SV2C: variants seen among roughly 807,000 people sequenced by gnomAD.
SV2C encodes synaptic vesicle glycoprotein 2C.
Under a neutral mutation model 79.7 loss-of-function variants are expected in SV2C, and 49 were observed. That is an observed-to-expected ratio of 0.61 (90% CI 0.49 to 0.78). SV2C has a LOEUF of 0.78. SV2C is among the 30% of genes least tolerant of loss of function. The pLI, the probability that SV2C is intolerant of heterozygous loss-of-function variation, is 0.00. For synonymous variants in SV2C, 334 were observed against 333.2 expected, an observed-to-expected ratio of 1.00 and a Z score of -0.03; for missense variants, 833 against 912.9, an observed-to-expected ratio of 0.91 and a Z score of 1.13.
At chr5:76,223,473 A>ACG (rs1561271232) in intron 4 of SV2C, among the ~76,000 whole-genome samples, 3 of 73,798 alleles carry the variant, frequency 4.1e-5, no homozygotes, top group African/African-American at 2.4e-4. Flanking sequence ...ATATATATAT[A>ACG]TATATATATA....
At chr5:76,049,284 C>T in the SV2C span, among the ~76,000 whole-genome samples, 8 of 144,180 alleles carry the variant, frequency 5.5e-5, no homozygotes, top group African/African-American at 2.1e-4. Context: ...TTACAGTGAG[C>T]TGAGATCGCG....
intron 2 of SV2C, among the ~76,000 whole-genome samples, chr5:76,179,481 G>A (rs1743652604): frequency 1.3e-5 from 2 of 152,158 alleles, no homozygotes; most frequent in African/African-American, 4.8e-5. Flanking sequence ...GCGGATGGCT[G>A]ACTGCTCATT....
At chr5:76,112,751 G>A (rs1748133691) in intron 1 of SV2C, among the ~76,000 whole-genome samples, 1 of 152,122 alleles carries the variant, frequency 6.6e-6, no homozygotes, top group Non-Finnish European at 1.5e-5. Context: ...TCTTTTTTAG[G>A]AACACTTTAA....
intron 2 of SV2C, among the ~76,000 whole-genome samples, chr5:76,148,516 C>T (rs1001641886): frequency 2.0e-5 from 3 of 152,120 alleles, no homozygotes; most frequent in African/African-American, 4.8e-5. Context: ...GTGATGCAGT[C>T]GCTGCTCACT....
At chr5:76,223,247 G>A (rs1745124414) in intron 4 of SV2C, among the ~76,000 whole-genome samples, 1 of 151,636 alleles carries the variant, frequency 6.6e-6, no homozygotes, top group Non-Finnish European at 1.5e-5. Flanking sequence ...AGACCAGCCT[G>A]GGCAACATAT....
chr5:76,144,209 T>C (rs142169650), intron 2 of SV2C, among the ~76,000 whole-genome samples: 21 of 152,338 alleles, frequency 1.4e-4, no homozygotes, highest in African/African-American at 5.1e-4. Flanking sequence ...TTTATCAATA[T>C]TGGAATATTG....
intron 2 of SV2C, among the ~76,000 whole-genome samples, chr5:76,179,775 C>T (rs1044834752): frequency 6.6e-6 from 1 of 152,238 alleles, no homozygotes; most frequent in Non-Finnish European, 1.5e-5. Context: ...TATTTATTCA[C>T]TCACTGCTCT....
At chr5:76,166,373 A>G (rs557248271) in intron 2 of SV2C, among the ~76,000 whole-genome samples, 1 of 152,220 alleles carries the variant, frequency 6.6e-6, no homozygotes, top group Admixed American at 6.5e-5. Context: ...GGACCATCAA[A>G]CCCCTATTTG....
chr5:76,197,930 C>G (rs142111175), intron 3 of SV2C, among the ~76,000 whole-genome samples: 1 of 152,284 alleles, frequency 6.6e-6, no homozygotes. Flanking sequence ...CAGGGTGCTG[C>G]TAGTGCAAGT....
the SV2C span, among the ~76,000 whole-genome samples, chr5:76,057,812 T>C: frequency 3.9e-5 from 6 of 152,102 alleles, no homozygotes; most frequent in African/African-American, 1.4e-4. Context: ...GCTTCACCAA[T>C]TGGACTAATA....
Position 76,131,951 on chromosome 5 carries a change from T to G in SV2C, c.201T>G (p.Gly67=). ...ACCCGGCTGGAGAAACCTATAATGGTGAGGCCAACGATGACGAAGGCTCAA... is the reference window on the plus strand; with the variant it reads ...ACCCGGCTGGAGAAACCTATAATGGGGAGGCCAACGATGACGAAGGCTCAA... ...DYYPAGETYN[G]EANDDEGSSE... The change falls in exon 2 of 13, where the codon GGT becomes GGG. Residue 67 remains glycine (G), a synonymous_variant. Coordinates refer to ENST00000502798, the MANE Select transcript of SV2C (RefSeq NM_014979.4). The G allele has an allele frequency of 1.2e-6, 2 of 1,613,918 alleles. No homozygotes were observed. The highest frequency in any genetic ancestry group is 1.7e-6 in the Non-Finnish European group (2 of 1,179,944).
chr5:76,277,528 T>C (rs770908207), intron 4 of SV2C, among the ~76,000 whole-genome samples: 7 of 152,160 alleles, frequency 4.6e-5, no homozygotes, highest in Non-Finnish European at 1.0e-4. Context: ...AACCTCAGCA[T>C]TTTGAGAGGC....
intron 4 of SV2C, among the ~76,000 whole-genome samples, chr5:76,217,719 T>C (rs1408835454): frequency 6.6e-6 from 1 of 151,058 alleles, no homozygotes; most frequent in African/African-American, 2.4e-5. Context: ...GCATAAACCC[T>C]GCCTAAAGTT....
At chr5:76,049,024 A>AAAGAAGGAAAGAAAGAAAGAG in the SV2C span, among the ~76,000 whole-genome samples, 2 of 120,520 alleles carry the variant, frequency 1.7e-5, no homozygotes, top group Non-Finnish European at 3.5e-5. Flanking sequence ...AGAAAGAAAG[A>AAAGAAGGAAAGAAAGAAAGAG]AAAAGAAAAG....
chr5:76,147,230 C>A (rs1342579620), intron 2 of SV2C, among the ~76,000 whole-genome samples: 1 of 152,138 alleles, frequency 6.6e-6, no homozygotes, highest in African/African-American at 2.4e-5. Context: ...TAAATTTTAA[C>A]ACAATACAAA....
chr5:75,942,206 C>G, the SV2C span, among the ~76,000 whole-genome samples: 2 of 152,182 alleles, frequency 1.3e-5, no homozygotes, highest in African/African-American at 4.8e-5. Context: ...AGATCTCGCC[C>G]TATGTATCTC....
chr5:76,245,439 T>C lies in SV2C; in HGVS notation c.913+35552T>C, dbSNP rs137949649. 6.7e-3 allele frequency among the ~76,000 whole-genome samples: 1,022 copies of C among 152,274 alleles called. 5 individuals are homozygous for C. Among genetic ancestry groups the C allele is most frequent in the Middle Eastern group, 0.024 (7 of 294 alleles). On this transcript the variant is annotated intron_variant, in intron 4 of 12. Transcript: ENST00000502798. ...AATGATTCTGAAGAGTCCAAGGAGA[T>C]GTGAGCTAAGAAAACACGATCAGAC...
At chr5:75,888,176 G>A in the SV2C span, among the ~76,000 whole-genome samples, 2 of 151,896 alleles carry the variant, frequency 1.3e-5, no homozygotes, top group East Asian at 1.9e-4. Context: ...ACCTGACAAA[G>A]GGGGCTTCTG....
chr5:75,968,101 A>C, the SV2C span, among the ~76,000 whole-genome samples: 1 of 152,260 alleles, frequency 6.6e-6, no homozygotes, highest in African/African-American at 2.4e-5. Context: ...ACAGACCTGC[A>C]GCTGAGGGTC....
Sources: allele counts gnomAD v4.1 joint callset (sites outside exome capture counted in the v4.1 genomes callset), GRCh38; gene constraint gnomAD v4.1.1; transcripts MANE v1.5; gene names NCBI Gene and HGNC (gene_info 2026-07-23, HGNC 2026-07-21).